ZZEF1: variants seen among roughly 807,000 people sequenced by gnomAD.
ZZEF1 encodes zinc finger ZZ-type and EF-hand domain-containing protein 1.
A neutral mutation model predicts 342.8 loss-of-function variants in ZZEF1; 157 were observed. That is an observed-to-expected ratio of 0.46 (90% CI 0.40 to 0.52). ZZEF1 has a LOEUF of 0.52. Ranked by LOEUF, ZZEF1 falls within the 20% of genes least tolerant of loss-of-function variation. The pLI is 0.00. For missense variants in ZZEF1, 3,480 were observed against 3,725.6 expected (o/e 0.93, Z 1.72); for synonymous variants, 1,505 against 1,429.1 (o/e 1.05, Z -1.20).
Position 4,008,830 on chromosome 17 carries a change from G to A in ZZEF1, c.8805+53C>T. The stretch of plus-strand genomic sequence containing the variant: ...AGACCTTCTCTGCCCTGGCAATGGT[G>A]AGATGGTGGCGCCCCAGCCTGGGGG... On this transcript the variant is annotated intron_variant, in intron 54 of 54. Transcript: ENST00000381638. This position sits in a 1 kb window ranked among gnomAD's most constrained non-coding sequence, Gnocchi z 4.2. The A allele has an allele frequency of 1.3e-6, 2 of 1,539,298 alleles. No individual in the cohort carries two copies. Among genetic ancestry groups the A allele is most frequent in the Non-Finnish European group, 1.7e-6 (2 of 1,145,376 alleles).
intron 9 of ZZEF1, 97 bp from the exon 10 acceptor site, chr17:4,096,797 G>A (rs759870412): frequency 1.5e-5 from 14 of 946,338 alleles, no homozygotes; most frequent in Non-Finnish European, 2.4e-5. Context: ...TGAGTCATGG[G>A]GGGTAACTGG....
intron 11 of ZZEF1, among the ~76,000 whole-genome samples, chr17:4,094,950 C>T (rs1003949793): frequency 4.6e-5 from 7 of 152,226 alleles, no homozygotes; most frequent in African/African-American, 1.7e-4. Context: ...GCTTCTACAA[C>T]ATGCATTTGA....
At chr17:4,079,432 A>C (rs2057681981) in intron 18 of ZZEF1, among the ~76,000 whole-genome samples, 1 of 152,192 alleles carries the variant, frequency 6.6e-6, no homozygotes, top group African/African-American at 2.4e-5. Flanking sequence ...ATAAGGATGG[A>C]GATTCGAATG....
Position 4,032,214 on chromosome 17 carries a change from AT to A in ZZEF1, c.6803del (p.Asn2268MetfsTer6). 6.2e-7 allele frequency: 1 copy of A among 1,614,122 alleles called. No individual in the cohort carries two copies. Among genetic ancestry groups the A allele is most frequent in the Non-Finnish European group, 8.5e-7 (1 of 1,179,990 alleles). ...TCAAGATGATCACATTATGGGGTTC[AT>A]TGGCATTATCCATATAAACGCAGCG... ...GTRCVYMDNA[N>X]EPHNVIILKH... is the part of the protein sequence containing the mutation. On this transcript the variant is annotated frameshift_variant, in exon 42 of 55. Transcript: ENST00000381638. LOFTEE classifies it high-confidence loss of function.
intron 39 of ZZEF1, among the ~76,000 whole-genome samples, chr17:4,035,895 T>A (rs4790553): frequency 0.25 from 37,630 of 150,894 alleles, 4,850 homozygotes; most frequent in African/African-American, 0.32. Flanking sequence ...AGGTCAGGAG[T>A]TCAAGGCCAG....
Position 4,142,584 on chromosome 17 carries a change from C to T in ZZEF1, c.312G>A (p.Leu104=), listed in dbSNP as rs200118602. ...TAGAGCAGCCGGCGCCGCGAGCCTC[C>T]AGCAGCTCCCGGAACTGCTCCAGAG... The part of the protein sequence containing the change: ...SVTLEQFREL[L]EARGAGCSSE... Residue 104 remains leucine (L), a synonymous_variant, in exon 1 of 55, where the codon CTG becomes CTA. Coordinates refer to ENST00000381638, the MANE Select transcript of ZZEF1 (RefSeq NM_015113.4). 6 of 1,604,526 alleles carry T rather than the reference C, an allele frequency of 3.7e-6. No homozygotes were observed. The South Asian group carries it at 6.6e-5, about 18-fold the overall frequency.
At position 4,064,749 on chromosome 17, in the gene ZZEF1, A is replaced by C; in HGVS notation, c.4330T>G (p.Leu1444Val). 2 of 1,613,896 alleles carry C rather than the reference A, an allele frequency of 1.2e-6. No homozygotes were observed. The highest frequency in any genetic ancestry group is 1.7e-6 in the Non-Finnish European group (2 of 1,179,986). The change falls in exon 29 of 55, where the codon TTG (leucine) becomes GTG (valine). Residue 1444 changes from leucine (L) to valine (V), a missense_variant. Physicochemically the swap from Leu to Val is conservative, Grantham distance 32 (BLOSUM62 1). Coordinates refer to ENST00000381638, the MANE Select transcript of ZZEF1 (RefSeq NM_015113.4). The stretch of plus-strand genomic sequence containing the variant: ...TGACTGGTTTCATCAGCAGTCTCCA[A>C]CTTTTCGCAGCTTTCTTTTGAACTT... ...GISSKESCEK[L>V]ETADETSHLQ...
At chr17:4,116,532 G>C (rs111913805) in intron 3 of ZZEF1, among the ~76,000 whole-genome samples, 2 of 152,262 alleles carry the variant, frequency 1.3e-5, no homozygotes, top group African/African-American at 4.8e-5. Flanking sequence ...GTGAGTCTGT[G>C]GTGGCTTCCT....
Position 4,025,116 on chromosome 17 carries a change from T to C in ZZEF1, c.6895A>G (p.Lys2299Glu). ...DVKTRKRKTV[K>E]DYQLVQKGGG... ...CCCTTCTGGACCAGCTGGTAGTCCT[T>C]CACTGAAGGGTGACATCAGGCAGAA... The change falls in exon 43 of 55, where the codon AAG becomes GAG. Residue 2299 changes from lysine (K) to glutamate (E), a missense_variant and splice_region_variant. Around this residue, in one of 5 missense-constraint regions of ZZEF1, gnomAD observed 1,269 missense variants for 1,342.4 expected, o/e 0.95. Coordinates refer to ENST00000381638, the MANE Select transcript of ZZEF1 (RefSeq NM_015113.4). 4 of 1,614,038 alleles carry C rather than the reference T, an allele frequency of 2.5e-6. No homozygotes were observed. The highest frequency in any genetic ancestry group is 3.4e-6 in the Non-Finnish European group (4 of 1,180,012).
intron 42 of ZZEF1, among the ~76,000 whole-genome samples, chr17:4,027,012 A>T (rs1396052119): frequency 6.6e-6 from 1 of 152,216 alleles, no homozygotes; most frequent in Non-Finnish European, 1.5e-5. Flanking sequence ...CACAAAACTA[A>T]AAAAGATCCC....
In ZZEF1 at chr17:4,014,741, A is replaced by G. The variant is rs1309882964; in HGVS notation, c.8146-226T>C. Among the ~76,000 whole-genome samples, 1 of 152,192 alleles carries G rather than the reference A, an allele frequency of 6.6e-6. No individual in the cohort carries two copies. The highest frequency in any genetic ancestry group is 2.4e-5 in the African/African-American group (1 of 41,440). Reference sequence around the variant, plus strand: ...GCAGGCAACACGGGGCCCCAGAGAAAGAGTGTCAGGCTGCTGTGAAGAGTG... The same window carrying G: ...GCAGGCAACACGGGGCCCCAGAGAAGGAGTGTCAGGCTGCTGTGAAGAGTG... On this transcript the variant is annotated intron_variant, in intron 49 of 54. Transcript: ENST00000381638. This position sits in a 1 kb window ranked among gnomAD's most constrained non-coding sequence, Gnocchi z 4.4.
At chr17:4,105,939 A>G in intron 6 of ZZEF1, 130 bp from the exon 7 acceptor site, 1 of 682,690 alleles carries the variant, frequency 1.5e-6, no homozygotes, top group Non-Finnish European at 2.4e-6. Context: ...AAGCTGGCAC[A>G]CAATATAAAC....
intron 34 of ZZEF1, 109 bp downstream of exon 34, chr17:4,053,948 T>C (rs2057102841): frequency 2.4e-6 from 3 of 1,247,672 alleles, no homozygotes; most frequent in East Asian, 2.4e-5. Flanking sequence ...AAAATACCAC[T>C]GGGCAGTACT....
At position 4,142,936 on chromosome 17, in the gene ZZEF1, G is replaced by GCCGCCTCC; in HGVS notation, c.-49_-42dup. The GCCGCCTCC allele has an allele frequency of 7.7e-7, 1 of 1,300,680 alleles. No homozygotes were observed. The allele number at this position is 1,300,680 out of a possible 1,614,324, so 80.6% of individuals were successfully genotyped here. On this transcript the variant is annotated 5_prime_UTR_variant, in exon 1 of 55. Transcript: ENST00000381638. ...GGCGCCTGGCTCTGCAGCCGCCGCC[G>GCCGCCTCC]CCGCCTCCCCGCCTCGACCTGTCAA...
intron 2 of ZZEF1, among the ~76,000 whole-genome samples, chr17:4,120,664 G>A (rs1398049576): frequency 1.3e-5 from 2 of 152,166 alleles, no homozygotes; most frequent in African/African-American, 4.8e-5. Context: ...AAACAGATTT[G>A]GCACAGTGGC....
At chr17:4,125,598 C>T (rs958850677) in intron 1 of ZZEF1, among the ~76,000 whole-genome samples, 1 of 152,200 alleles carries the variant, frequency 6.6e-6, no homozygotes, top group African/African-American at 2.4e-5. Context: ...AAAGACTTCA[C>T]TAATCAAGGT....
At chr17:4,106,492 A>C (rs540000823) in intron 6 of ZZEF1, among the ~76,000 whole-genome samples, 136 of 151,830 alleles carry the variant, frequency 9.0e-4, no homozygotes, top group Non-Finnish European at 1.3e-3. Context: ...AAAAAAAAAA[A>C]CAAAAGAAAA....
intron 24 of ZZEF1, 95 bp downstream of exon 24, chr17:4,074,055 C>T: frequency 7.3e-7 from 1 of 1,367,746 alleles, no homozygotes; most frequent in East Asian, 2.3e-5. Context: ...TATTAACCCC[C>T]TGCCATTACG....
intron 1 of ZZEF1, among the ~76,000 whole-genome samples, chr17:4,140,095 C>T (rs1457733935): frequency 1.3e-5 from 2 of 152,204 alleles, no homozygotes; most frequent in East Asian, 1.9e-4. Context: ...ACAAGATGGA[C>T]GAAGCCAGGT....
Sources: gnomAD v4.1 joint callset for allele counts (sites outside exome capture counted in the v4.1 genomes callset) on GRCh38, gnomAD v4.1.1 for gene constraint, gnomAD v4.1.1 regional missense constraint, Gnocchi (gnomAD v3.1) non-coding constraint, MANE v1.5 for transcripts, NCBI Gene and HGNC (gene_info 2026-07-23, HGNC 2026-07-21) for gene names.